SLC23A2: variants seen among roughly 807,000 people sequenced by gnomAD.
The protein encoded by SLC23A2 is Na(+)/L-ascorbic acid transporter 2.
A neutral mutation model predicts 73.3 loss-of-function variants in SLC23A2; 36 were observed. The observed-to-expected ratio is 0.49, with a 90% CI of 0.38 to 0.65. SLC23A2 has a LOEUF of 0.65. Ranked by LOEUF, SLC23A2 falls within the 30% of genes least tolerant of loss-of-function variation. The probability of loss-of-function intolerance (pLI) is 0.00; values close to 1 mark genes in which losing one functional copy is unlikely to be tolerated. For missense variants in SLC23A2, 507 were observed against 841.6 expected (o/e 0.60, Z 4.92); for synonymous variants, 343 against 327.3 (o/e 1.05, Z -0.52).
intron 2 of SLC23A2, among the ~76,000 whole-genome samples, chr20:4,958,527 T>C (rs897645502): frequency 6.6e-6 from 1 of 152,228 alleles, no homozygotes; most frequent in Non-Finnish European, 1.5e-5. Context: ...ATTTATCTAA[T>C]TTTCTAGCAG....
intron 1 of SLC23A2, among the ~76,000 whole-genome samples, 162 bp downstream of exon 1, chr20:5,001,244 A>G (rs1300548212): frequency 5.0e-5 from 7 of 140,352 alleles, no homozygotes; most frequent in Non-Finnish European, 9.3e-5. Flanking sequence ...GTCCCGGGAG[A>G]TGGGTCGGGG....
At chr20:4,890,962 G>C (rs1487187011) in intron 6 of SLC23A2, among the ~76,000 whole-genome samples, 1 of 152,184 alleles carries the variant, frequency 6.6e-6, no homozygotes, top group African/African-American at 2.4e-5. Flanking sequence ...TAGGAGGATG[G>C]GGGTAGCAGA....
At chr20:4,878,515 T>C in intron 9 of SLC23A2, among the ~76,000 whole-genome samples, 1 of 152,230 alleles carries the variant, frequency 6.6e-6, no homozygotes, top group Non-Finnish European at 1.5e-5. Flanking sequence ...TCTGACGTTT[T>C]AAATGTGTCA....
At chr20:4,938,030 CTTTTTTTTT>C (rs372042944) in intron 2 of SLC23A2, among the ~76,000 whole-genome samples, 1 of 138,286 alleles carries the variant, frequency 7.2e-6, no homozygotes, top group African/African-American at 2.7e-5. Context: ...CTCATTCCAT[CTTTTTTTTT>C]TTTTTTTTTG....
At chr20:4,884,460 C>G (rs1443765230) in intron 8 of SLC23A2, among the ~76,000 whole-genome samples, 1 of 152,198 alleles carries the variant, frequency 6.6e-6, no homozygotes, top group East Asian at 1.9e-4. Flanking sequence ...GCCTCTGTAG[C>G]TCCATCCAGT....
At chr20:4,892,439 A>G in intron 6 of SLC23A2, among the ~76,000 whole-genome samples, 1 of 151,146 alleles carries the variant, frequency 6.6e-6, no homozygotes, top group East Asian at 2.0e-4. Context: ...CGCCCGCCTC[A>G]GCCTCCCAAA....
At chr20:4,893,223 C>T (rs538923951) in intron 6 of SLC23A2, among the ~76,000 whole-genome samples, 2 of 152,104 alleles carry the variant, frequency 1.3e-5, no homozygotes, top group African/African-American at 4.8e-5. Context: ...GCCACCACAC[C>T]CAGCTAATTA....
At position 4,857,931 on chromosome 20, in the gene SLC23A2, A is replaced by C. The variant is rs6116554; in HGVS notation, c.1721-727T>G. Among the ~76,000 whole-genome samples, 8,404 of 152,084 alleles carry C rather than the reference A, an allele frequency of 0.055. 304 individuals are homozygous for C. Among genetic ancestry groups the C allele is most frequent in the Middle Eastern group, 0.11 (31 of 294 alleles). On this transcript the variant is annotated intron_variant, in intron 16 of 16. Transcript: ENST00000338244. The surrounding 1 kb of genome is among the most constrained non-coding windows in gnomAD (Gnocchi z 4.0). ...GGGCAACAGAGCAAGACTCTGTCTTAAAAACAAAACAAAACAAAACAAAAC... is the reference window on the plus strand; with the variant it reads ...GGGCAACAGAGCAAGACTCTGTCTTCAAAACAAAACAAAACAAAACAAAAC...
rs1006388826 is a variant in SLC23A2, at chr20:4,883,595, A to G, written c.824+47T>C. 1 of 1,383,390 alleles carries G rather than the reference A, an allele frequency of 7.2e-7. No homozygotes were observed. The highest frequency in any genetic ancestry group is 1.3e-5 in the South Asian group (1 of 75,912). The allele number at this position is 1,383,390 out of a possible 1,614,324, so 85.7% of individuals were successfully genotyped here. On this transcript the variant is annotated intron_variant, in intron 9 of 16. Coordinates refer to ENST00000338244, the MANE Select transcript of SLC23A2 (RefSeq NM_005116.6). This position sits in a 1 kb window ranked among gnomAD's most constrained non-coding sequence, Gnocchi z 4.5. ...TCCTGAAGTCTGTGTGAATGTTCCT[A>G]AAGGCTGCCCCGCAGTGGTGGGATG...
intron 9 of SLC23A2, among the ~76,000 whole-genome samples, chr20:4,882,241 G>C (rs1406223481): frequency 2.6e-5 from 4 of 152,100 alleles, no homozygotes; most frequent in African/African-American, 9.7e-5. Flanking sequence ...CGGGTGTGGT[G>C]GTGGGTGCTT....
intron 2 of SLC23A2, among the ~76,000 whole-genome samples, chr20:4,970,209 T>C (rs1406983528): frequency 6.6e-6 from 1 of 151,624 alleles, no homozygotes; most frequent in East Asian, 1.9e-4. Context: ...TACCTCCTAC[T>C]TTGTAATTAA....
chr20:5,005,169 A>G (rs1257546158), upstream of SLC23A2, among the ~76,000 whole-genome samples: 4 of 150,962 alleles, frequency 2.6e-5, no homozygotes, highest in African/African-American at 7.3e-5. Context: ...TGGCTTTGGT[A>G]TCAGCAGATA....
chr20:4,945,318 T>C (rs911507417), intron 2 of SLC23A2, among the ~76,000 whole-genome samples: 8 of 150,292 alleles, frequency 5.3e-5, no homozygotes, highest in African/African-American at 9.9e-5. Flanking sequence ...GTTTGTTTGT[T>C]TGTCTTTTTT....
In SLC23A2 at chr20:4,899,353, G is replaced by GTCCGCCA. The variant is rs1931660987; in HGVS notation, c.482+201_482+202insTGGCGGA. ...TTTCCAGCTTGGACAACTGGGTAGGGGAAGGTGGCGGTGGTGCCATTCACC... is the reference window on the plus strand; with the variant it reads ...TTTCCAGCTTGGACAACTGGGTAGGGTCCGCCAGAAGGTGGCGGTGGTGCCATTCACC... On this transcript the variant is annotated intron_variant, in intron 6 of 16. Coordinates refer to ENST00000338244, the MANE Select transcript of SLC23A2 (RefSeq NM_005116.6). This position sits in a 1 kb window ranked among gnomAD's most constrained non-coding sequence, Gnocchi z 4.9. Among the ~76,000 whole-genome samples, 2 of 152,172 alleles carry GTCCGCCA rather than the reference G, an allele frequency of 1.3e-5. No individual in the cohort carries two copies. The highest frequency in any genetic ancestry group is 4.8e-5 in the African/African-American group (2 of 41,448).
At chr20:4,873,406 G>A (rs1360931546) in intron 11 of SLC23A2, among the ~76,000 whole-genome samples, 3 of 152,120 alleles carry the variant, frequency 2.0e-5, no homozygotes, top group Non-Finnish European at 4.4e-5. Context: ...ACCCCCAACA[G>A]TTACACAACA....
rs1249294082 is a variant in SLC23A2 at position 4,872,726 on chromosome 20, A to G, written c.1102+1210T>C. On this transcript the variant is annotated intron_variant, in intron 11 of 16. Coordinates refer to ENST00000338244, the MANE Select transcript of SLC23A2 (RefSeq NM_005116.6). This position sits in a 1 kb window ranked among gnomAD's most constrained non-coding sequence, Gnocchi z 4.4. ...GTCTGTATAAATGCACACTTAGACC[A>G]TACAATCTGATGAGAAAGTTATTTT... is the stretch of plus-strand genomic sequence containing the variant. Among the ~76,000 whole-genome samples the G allele has an allele frequency of 2.0e-5, 3 of 152,140 alleles. No homozygotes were observed. Among genetic ancestry groups the G allele is most frequent in the African/African-American group, 7.2e-5 (3 of 41,430 alleles).
chr20:4,934,981 A>AT (rs1197413590), intron 2 of SLC23A2, among the ~76,000 whole-genome samples: 1 of 151,734 alleles, frequency 6.6e-6, no homozygotes, highest in African/African-American at 2.4e-5. Context: ...AGGTCAGGAG[A>AT]TTGAGACCAT....
intron 2 of SLC23A2, among the ~76,000 whole-genome samples, chr20:4,941,562 C>G (rs566199131): frequency 6.6e-6 from 1 of 151,842 alleles, no homozygotes; most frequent in African/African-American, 2.4e-5. Flanking sequence ...AATAGCCAGG[C>G]GTGGTGGAGC....
In SLC23A2 at chr20:4,862,701, G is replaced by C. The variant is rs757527856; in HGVS notation, c.1486+77C>G. ...AATTTATCGTTACCTTCTTACTGAA[G>C]GGAGTCAGCAAAAACACCATGACCC... On this transcript the variant is annotated intron_variant, in intron 14 of 16. Coordinates refer to ENST00000338244, the MANE Select transcript of SLC23A2 (RefSeq NM_005116.6). This position sits in a 1 kb window ranked among gnomAD's most constrained non-coding sequence, Gnocchi z 5.1. 8.5e-6 allele frequency: 11 copies of C among 1,301,732 alleles called. No homozygotes were observed. Among genetic ancestry groups the C allele is most frequent in the Non-Finnish European group, 1.1e-5 (10 of 930,712 alleles). The allele number at this position is 1,301,732 out of a possible 1,614,324, so 80.6% of individuals were successfully genotyped here.
Sources: allele counts gnomAD v4.1 joint callset (sites outside exome capture counted in the v4.1 genomes callset), GRCh38; gene constraint gnomAD v4.1.1; non-coding constraint Gnocchi (gnomAD v3.1); transcripts MANE v1.5; gene names NCBI Gene and HGNC (gene_info 2026-07-23, HGNC 2026-07-21).